The following CLNK variants were observed in gnomAD, a reference collection of about 807,000 sequenced individuals.
CLNK encodes the protein cytokine-dependent hematopoietic cell linker.
In CLNK, 74 loss-of-function variants were observed where a neutral mutation model predicts 68.6. The observed-to-expected ratio is 1.08, with a 90% CI of 0.89 to 1.31. The LOEUF (loss-of-function observed/expected upper bound fraction) is 1.31, where lower values mean the gene tolerates loss of function less well. Ranked by LOEUF, CLNK falls within the 50% of genes most tolerant of loss-of-function variation. The pLI is 0.00. For synonymous variants in CLNK, 198 were observed against 172.2 expected (o/e 1.15, Z -1.17); for missense variants, 553 against 515.3 (o/e 1.07, Z -0.71).
intron 2 of CLNK, among the ~76,000 whole-genome samples, chr4:10,631,704 G>A (rs1722897295): frequency 6.6e-6 from 1 of 152,170 alleles, no homozygotes; most frequent in Non-Finnish European, 1.5e-5. Flanking sequence ...GGAGAGAAAG[G>A]GAAACGAACA....
chr4:10,574,668 C>G (rs993853408), intron 4 of CLNK, among the ~76,000 whole-genome samples: 3 of 152,184 alleles, frequency 2.0e-5, no homozygotes, highest in African/African-American at 7.2e-5. Flanking sequence ...TGCCCAATAT[C>G]TGCCTCCAAA....
chr4:10,605,131 T>G (rs1339436586), intron 2 of CLNK, among the ~76,000 whole-genome samples: 1 of 152,180 alleles, frequency 6.6e-6, no homozygotes, highest in South Asian at 2.1e-4. Flanking sequence ...CAACATCAAC[T>G]CTTACCCGGA....
At chr4:10,704,482 G>A in the CLNK span, among the ~76,000 whole-genome samples, 1 of 150,770 alleles carries the variant, frequency 6.6e-6, no homozygotes, top group South Asian at 2.1e-4. Context: ...CTTGCTGGCT[G>A]ATGCCAGCTC....
At chr4:10,512,452 A>G (rs1717631716) in intron 16 of CLNK, among the ~76,000 whole-genome samples, 2 of 152,160 alleles carry the variant, frequency 1.3e-5, no homozygotes, top group South Asian at 4.2e-4. Flanking sequence ...GCTGGTCTCG[A>G]ACTCCTGACC....
intron 2 of CLNK, among the ~76,000 whole-genome samples, chr4:10,646,009 C>A (rs1239705031): frequency 1.3e-5 from 2 of 151,918 alleles, no homozygotes; most frequent in Non-Finnish European, 2.9e-5. Context: ...CCCAATTTTG[C>A]AAAATATGAT....
intron 1 of CLNK, among the ~76,000 whole-genome samples, chr4:10,678,423 T>C (rs1051752792): frequency 6.6e-6 from 1 of 152,212 alleles, no homozygotes; most frequent in African/African-American, 2.4e-5. Flanking sequence ...GATTTGAAAT[T>C]TGGCTAGGAA....
At chr4:10,660,351 A>T (rs1464814020) in intron 2 of CLNK, among the ~76,000 whole-genome samples, 1 of 152,264 alleles carries the variant, frequency 6.6e-6, no homozygotes, top group Admixed American at 6.5e-5. Context: ...ATTGGGAGAC[A>T]TTATACATAT....
At chr4:10,539,758 A>G (rs1219087977) in intron 11 of CLNK, among the ~76,000 whole-genome samples, 1 of 152,180 alleles carries the variant, frequency 6.6e-6, no homozygotes, top group Non-Finnish European at 1.5e-5. Flanking sequence ...AATGTTTTTG[A>G]CAAAAGAGTT....
At chr4:10,668,445 C>T (rs1403573010) in intron 1 of CLNK, among the ~76,000 whole-genome samples, 4 of 152,132 alleles carry the variant, frequency 2.6e-5, no homozygotes, top group Non-Finnish European at 4.4e-5. Context: ...TGGGAGTATT[C>T]AGTAAGGGCT....
At chr4:10,544,706 A>C (rs1719160604) in intron 8 of CLNK, among the ~76,000 whole-genome samples, 2 of 152,132 alleles carry the variant, frequency 1.3e-5, no homozygotes, top group Admixed American at 6.5e-5. Flanking sequence ...AGGTGGTGTC[A>C]GTTCATTTTT....
chr4:10,539,255 G>A (rs1718922688), intron 11 of CLNK, among the ~76,000 whole-genome samples: 1 of 152,204 alleles, frequency 6.6e-6, no homozygotes, highest in Admixed American at 6.5e-5. Context: ...CAAAGAAGGT[G>A]TTTCTTGGAA....
the CLNK span, among the ~76,000 whole-genome samples, chr4:10,704,088 G>T: frequency 1.3e-5 from 2 of 152,020 alleles, no homozygotes; most frequent in African/African-American, 4.8e-5. Flanking sequence ...AAACCTCTCT[G>T]ATAAAGTAAT....
At chr4:10,616,790 GTATATATATATATATATATA>G (rs58333228) in intron 2 of CLNK, among the ~76,000 whole-genome samples, 24 of 64,360 alleles carry the variant, frequency 3.7e-4, no homozygotes, top group South Asian at 2.1e-3. Context: ...GTGTGTGTGT[GTATATATATATATATATATA>G]TATATATATA....
rs1717699081 is a variant in CLNK, at chr4:10,513,598, C to T, written c.773-1G>A. On this transcript the variant is annotated splice_acceptor_variant, in intron 15 of 18. Coordinates refer to ENST00000226951, the MANE Select transcript of CLNK (RefSeq NM_052964.4). LOFTEE classifies it high-confidence loss of function. ...CAGGGCTGCATGCCTCCTCTATGATCTGGAAAGGTTAAATTCACATTTCAG... is the reference window on the plus strand; with the variant it reads ...CAGGGCTGCATGCCTCCTCTATGATTTGGAAAGGTTAAATTCACATTTCAG... 1.3e-6 allele frequency: 2 copies of T among 1,593,774 alleles called. No individual in the cohort carries two copies.
intron 4 of CLNK, among the ~76,000 whole-genome samples, chr4:10,582,240 G>T (rs1720808631): frequency 6.6e-6 from 1 of 152,150 alleles, no homozygotes. Flanking sequence ...TACAGGCATT[G>T]CAGCATCTGG....
At chr4:10,623,084 T>C (rs1387157851) in intron 2 of CLNK, among the ~76,000 whole-genome samples, 3 of 152,220 alleles carry the variant, frequency 2.0e-5, no homozygotes, top group Admixed American at 6.5e-5. Flanking sequence ...ATTCAGTCCA[T>C]AGCAGTAAAT....
intron 8 of CLNK, among the ~76,000 whole-genome samples, chr4:10,543,818 T>A (rs866588258): frequency 6.6e-6 from 1 of 152,250 alleles, no homozygotes; most frequent in Non-Finnish European, 1.5e-5. Flanking sequence ...CTTCTTTATA[T>A]GAATTCCAAA....
intron 13 of CLNK, among the ~76,000 whole-genome samples, chr4:10,527,768 C>T (rs946437041): frequency 2.0e-5 from 3 of 152,140 alleles, no homozygotes; most frequent in Non-Finnish European, 4.4e-5. Context: ...TTTTTTGGAG[C>T]AGGGGACTAG....
At chr4:10,612,650 T>A (rs1008394893) in intron 2 of CLNK, among the ~76,000 whole-genome samples, 5 of 152,226 alleles carry the variant, frequency 3.3e-5, no homozygotes, top group African/African-American at 1.2e-4. Flanking sequence ...ACCCCATGGC[T>A]TATCTACTGC....
Sources: gnomAD v4.1 joint callset for allele counts (sites outside exome capture counted in the v4.1 genomes callset) on GRCh38, gnomAD v4.1.1 for gene constraint, MANE v1.5 for transcripts, NCBI Gene and HGNC (gene_info 2026-07-23, HGNC 2026-07-21) for gene names.